The following ADARB2 variants were observed in gnomAD, a reference collection of about 807,000 sequenced individuals.
The protein encoded by ADARB2 is inactive double-stranded RNA-specific editase B2.
Under a neutral mutation model 62.2 loss-of-function variants are expected in ADARB2, and 25 were observed. That is an observed-to-expected ratio of 0.40 (90% CI 0.29 to 0.56). ADARB2 has a LOEUF of 0.56. ADARB2 is among the 20% of genes least tolerant of loss of function. ADARB2 has a pLI of 0.43. For missense variants in ADARB2, 1,071 were observed against 1,077.4 expected (o/e 0.99, Z 0.08); for synonymous variants, 572 against 500.8 (o/e 1.14, Z -1.90).
At chr10:1,533,288 C>CT (rs5782582) in intron 1 of ADARB2, among the ~76,000 whole-genome samples, 102,845 of 142,532 alleles carry the variant, frequency 0.72, 38,644 homozygotes, top group Non-Finnish European at 0.82. Context: ...CTGGCTCATT[C>CT]TTTTTTTTTT....
chr10:1,646,223 G>A lies in ADARB2; in HGVS notation c.100+90828C>T, dbSNP rs191012725. ...GTGCTCTGAAAACGATGTGTCCTGG[G>A]GTCCAGCCTAGCTCGTGACAGTTCC... On this transcript the variant is annotated intron_variant, in intron 1 of 9. Transcript: ENST00000381312. 2.0e-5 allele frequency among the ~76,000 whole-genome samples: 3 copies of A among 152,292 alleles called. No homozygotes were observed. In the East Asian group the frequency reaches 5.8e-4, roughly 29 times the overall value.
At chr10:1,277,431 A>G (rs1464443392) in intron 3 of ADARB2, among the ~76,000 whole-genome samples, 3 of 152,206 alleles carry the variant, frequency 2.0e-5, no homozygotes, top group East Asian at 3.8e-4. Context: ...TATCACCACC[A>G]GTCCCACAGA....
At chr10:1,386,623 T>C (rs985691168) in intron 1 of ADARB2, among the ~76,000 whole-genome samples, 5 of 151,990 alleles carry the variant, frequency 3.3e-5, no homozygotes, top group Admixed American at 3.3e-4. Context: ...TACTTGTTGG[T>C]GTTTATGCAC....
intron 3 of ADARB2, among the ~76,000 whole-genome samples, chr10:1,325,253 C>T (rs745685732): frequency 1.3e-5 from 2 of 152,194 alleles, no homozygotes; most frequent in Non-Finnish European, 2.9e-5. Flanking sequence ...GAGAACATCC[C>T]GAACGCTGGG....
At chr10:1,274,643 G>A (rs1254568089) in intron 3 of ADARB2, among the ~76,000 whole-genome samples, 1 of 152,210 alleles carries the variant, frequency 6.6e-6, no homozygotes, top group Non-Finnish European at 1.5e-5. Context: ...AACCTAGGGA[G>A]TGCTCTGTCC....
At chr10:1,277,046 C>A (rs1339615198) in intron 3 of ADARB2, among the ~76,000 whole-genome samples, 2 of 152,184 alleles carry the variant, frequency 1.3e-5, no homozygotes, top group African/African-American at 2.4e-5. Flanking sequence ...TAAAGATGTT[C>A]TTTGAAACCA....
intron 2 of ADARB2, among the ~76,000 whole-genome samples, chr10:1,374,337 A>G (rs1231257520): frequency 6.6e-6 from 1 of 152,236 alleles, no homozygotes; most frequent in African/African-American, 2.4e-5. Context: ...AATGATTTCC[A>G]TCCACTTCTC....
At chr10:1,383,785 C>T (rs758307838) in intron 1 of ADARB2, among the ~76,000 whole-genome samples, 4 of 152,232 alleles carry the variant, frequency 2.6e-5, no homozygotes, top group Admixed American at 1.3e-4. Context: ...GTCCTCAGCA[C>T]GTCCCAGGCT....
At chr10:1,225,703 T>G (rs1589157270) in intron 6 of ADARB2, among the ~76,000 whole-genome samples, 1 of 140,082 alleles carries the variant, frequency 7.1e-6, no homozygotes, top group Non-Finnish European at 1.6e-5. Flanking sequence ...AATTCTGGGT[T>G]AAAATTCTTT....
intron 4 of ADARB2, among the ~76,000 whole-genome samples, chr10:1,268,866 C>T (rs1831232353): frequency 1.3e-5 from 2 of 152,216 alleles, no homozygotes; most frequent in African/African-American, 4.8e-5. Context: ...ATTGTATTCA[C>T]TGGCAACTTA....
At chr10:1,383,249 A>G (rs571649600) in intron 1 of ADARB2, among the ~76,000 whole-genome samples, 1 of 152,268 alleles carries the variant, frequency 6.6e-6, no homozygotes, top group Non-Finnish European at 1.5e-5. Flanking sequence ...TCGGTTTTTC[A>G]TATTACGACC....
intron 7 of ADARB2, among the ~76,000 whole-genome samples, chr10:1,202,843 G>A (rs77767709): frequency 0.017 from 2,603 of 152,346 alleles, 31 homozygotes; most frequent in Middle Eastern, 0.041. Flanking sequence ...CTCCGTGTTA[G>A]AGGCCGTCAG....
At chr10:1,226,477 G>T (rs529149199) in intron 6 of ADARB2, among the ~76,000 whole-genome samples, 119 of 152,324 alleles carry the variant, frequency 7.8e-4, no homozygotes, top group Middle Eastern at 6.8e-3. Flanking sequence ...TGGAGGAGGA[G>T]AGGTGCTCTG....
chr10:1,696,498 T>C (rs945528028), intron 1 of ADARB2, among the ~76,000 whole-genome samples: 1 of 152,230 alleles, frequency 6.6e-6, no homozygotes, highest in Non-Finnish European at 1.5e-5. Context: ...CAGCCTTTTA[T>C]TTCAACCCCC....
chr10:1,561,290 G>GCA (rs1204624287), intron 1 of ADARB2, among the ~76,000 whole-genome samples: 18 of 152,308 alleles, frequency 1.2e-4, no homozygotes, highest in Admixed American at 1.0e-3. Flanking sequence ...CTGCGGGACT[G>GCA]GATGTCATAG....
chr10:1,609,320 A>C (rs531105276), intron 1 of ADARB2, among the ~76,000 whole-genome samples: 11 of 152,356 alleles, frequency 7.2e-5, no homozygotes, highest in East Asian at 5.8e-4. Flanking sequence ...ATGATTGCAC[A>C]GAGACCCGCT....
At chr10:1,234,479 T>C (rs1275281895) in intron 5 of ADARB2, among the ~76,000 whole-genome samples, 1 of 152,122 alleles carries the variant, frequency 6.6e-6, no homozygotes, top group Non-Finnish European at 1.5e-5. Context: ...GCTCTGTTGC[T>C]GCTCATGCTG....
At chr10:1,612,272 A>G (rs1588323396) in intron 1 of ADARB2, among the ~76,000 whole-genome samples, 1 of 152,096 alleles carries the variant, frequency 6.6e-6, no homozygotes, top group African/African-American at 2.4e-5. Context: ...TGCAGGAGGG[A>G]ATGGGCGTGT....
In ADARB2 at chr10:1,477,240, T is replaced by C. The variant is rs867357599; in HGVS notation, c.101-98080A>G. 6.6e-6 allele frequency among the ~76,000 whole-genome samples: 1 copy of C among 152,168 alleles called. No homozygotes were observed. Among genetic ancestry groups the C allele is most frequent in the Admixed American group, 6.5e-5 (1 of 15,280 alleles). ...ACTGATCAGAAGTGTGGAGTCCTGATAAGATTAGTAAGTAACGTTGAGGAA... is the reference window on the plus strand; with the variant it reads ...ACTGATCAGAAGTGTGGAGTCCTGACAAGATTAGTAAGTAACGTTGAGGAA... On this transcript the variant is annotated intron_variant, in intron 1 of 9. Transcript: ENST00000381312. The surrounding 1 kb of genome is among the most constrained non-coding windows in gnomAD (Gnocchi z 4.5).
Sources: allele counts gnomAD v4.1 joint callset (sites outside exome capture counted in the v4.1 genomes callset), GRCh38; gene constraint gnomAD v4.1.1; non-coding constraint Gnocchi (gnomAD v3.1); transcripts MANE v1.5; gene names NCBI Gene and HGNC (gene_info 2026-07-23, HGNC 2026-07-21).